NLRC3: variants seen among roughly 807,000 people sequenced by gnomAD.
The protein encoded by NLRC3 is NLR family CARD domain containing 3.
Under a neutral mutation model 91.6 loss-of-function variants are expected in NLRC3, and 87 were observed. That is an observed-to-expected ratio of 0.95 (90% confidence interval 0.80 to 1.14). The LOEUF (loss-of-function observed/expected upper bound fraction) is 1.14. Ranked by LOEUF, NLRC3 falls within the 50% of genes most tolerant of loss-of-function variation. The pLI, the probability that NLRC3 is intolerant of heterozygous loss-of-function variation, is 0.00. For synonymous variants in NLRC3, 694 were observed against 625.3 expected (o/e 1.11, Z -1.64); for missense variants, 1,577 against 1,418.6 (o/e 1.11, Z -1.79).
chr16:3,563,104 G>C lies in NLRC3; in HGVS notation c.1833C>G (p.Ser611=), dbSNP rs745377382. ...RAALAYLLQV[S]DACAQEANLS... Reference sequence around the variant, plus strand: ...GGTTGGCCTCCTGGGCACAGGCGTCGGACACCTGCAGGAGGTAGGCCAGGG... The same window carrying C: ...GGTTGGCCTCCTGGGCACAGGCGTCCGACACCTGCAGGAGGTAGGCCAGGG... The change falls in exon 5 of 20, where the codon TCC becomes TCG. Residue 611 remains serine, a synonymous_variant. Transcript: ENST00000359128. 6.3e-7 allele frequency: 1 copy of C among 1,577,596 alleles called. No homozygotes were observed. Among genetic ancestry groups the C allele is most frequent in the Non-Finnish European group, 8.6e-7 (1 of 1,162,558 alleles).
intron 16 of NLRC3, chr16:3,543,949 T>G (rs1179838562): frequency 8.2e-6 from 3 of 368,010 alleles, no homozygotes; most frequent in African/African-American, 4.1e-5. Context: ...AAGTCAGGAG[T>G]TTGAGACCAG....
At position 3,561,901 on chromosome 16, in the gene NLRC3, C is replaced by G. The variant is rs977143180; in HGVS notation, c.1929-113G>C. ...CCCATGCAGCGCTATCACCGCAGCT[C>G]TGAGATCTGCGCTCAGCCCCAGTGC... On this transcript the variant is annotated intron_variant, in intron 5 of 19. Coordinates refer to ENST00000359128, the MANE Select transcript of NLRC3 (RefSeq NM_178844.4). 9 of 741,064 alleles carry G rather than the reference C, an allele frequency of 1.2e-5. No individual in the cohort carries two copies. The African/African-American group carries it at 1.6e-4, about 13-fold the overall frequency. The allele number at this position is 741,064 out of a possible 1,614,324, so 45.9% of individuals were successfully genotyped here. A position where few individuals can be genotyped will look rare whatever the true frequency, so the allele number is the denominator to read the frequency against.
rs373442896 is a variant in NLRC3 at position 3,563,416 on chromosome 16, G to A, written c.1521C>T (p.Asp507=). The A allele has an allele frequency of 3.4e-5, 54 of 1,575,946 alleles. No homozygotes were observed. In the African/African-American group the frequency reaches 4.7e-4, roughly 14 times the overall value. Residue 507 remains aspartate (D), a synonymous_variant, in exon 5 of 20, where the codon GAC becomes GAT. Coordinates refer to ENST00000359128, the MANE Select transcript of NLRC3 (RefSeq NM_178844.4). The part of the protein sequence containing the change: ...SAAQRAMQAE[D]GRLDVFLRFL... Reference sequence around the variant, plus strand: ...AGCGCAGGAACACGTCCAGCCTCCCGTCCTCTGCCTGCATGGCCCGCTGGG... The same window carrying A: ...AGCGCAGGAACACGTCCAGCCTCCCATCCTCTGCCTGCATGGCCCGCTGGG...
rs543955385 is a variant in NLRC3 at position 3,556,004 on chromosome 16, C to G, written c.2183+907G>C. 1.5e-3 allele frequency: 217 copies of G among 149,576 alleles called. 1 individual carries two copies. The highest frequency in any genetic ancestry group is 5.1e-3 in the African/African-American group (211 of 41,012). 9.3% of individuals were successfully genotyped at this position (149,576 alleles called of 1,614,324 possible). On this transcript the variant is annotated intron_variant, in intron 8 of 19. Coordinates refer to ENST00000359128, the MANE Select transcript of NLRC3 (RefSeq NM_178844.4). ...GAACAGAAAAGTGGTACCCACTCAG[C>G]TAAGTATAGATATAACCACAGGCTT...
At chr16:3,573,144 A>AC (rs2040158564) in intron 1 of NLRC3, among the ~76,000 whole-genome samples, 1 of 151,586 alleles carries the variant, frequency 6.6e-6, no homozygotes, top group African/African-American at 2.4e-5. Flanking sequence ...GAGGCTGGGC[A>AC]CCATGGCTCA....
At chr16:3,561,894 C>T (rs778402917) in intron 5 of NLRC3, 106 bp from the exon 6 acceptor site, 71 of 779,666 alleles carry the variant, frequency 9.1e-5, no homozygotes, top group Middle Eastern at 3.2e-4. Context: ...GCGCTATCAC[C>T]GCAGCTCTGA....
chr16:3,569,876 G>C (rs2040037494), intron 1 of NLRC3, among the ~76,000 whole-genome samples: 1 of 152,150 alleles, frequency 6.6e-6, no homozygotes, highest in Non-Finnish European at 1.5e-5. Context: ...TTCTCCGATA[G>C]AGAAAGATTT....
At chr16:3,558,884 A>G (rs2039478286) in intron 6 of NLRC3, among the ~76,000 whole-genome samples, 1 of 151,966 alleles carries the variant, frequency 6.6e-6, no homozygotes, top group Non-Finnish European at 1.5e-5. Context: ...GAATCCTCCC[A>G]CTTCAGCCTC....
At chr16:3,554,629 T>G (rs2039202767) in intron 8 of NLRC3, among the ~76,000 whole-genome samples, 1 of 152,166 alleles carries the variant, frequency 6.6e-6, no homozygotes, top group Non-Finnish European at 1.5e-5. Flanking sequence ...CAAGTGTTGG[T>G]GAGAATACAG....
At chr16:3,547,660 A>G (rs1567464514) in intron 15 of NLRC3, among the ~76,000 whole-genome samples, 1 of 151,886 alleles carries the variant, frequency 6.6e-6, no homozygotes, top group Non-Finnish European at 1.5e-5. Flanking sequence ...GTGTATGTAT[A>G]TATATGTGTG....
chr16:3,550,996 T>C (rs2038964043), intron 10 of NLRC3, among the ~76,000 whole-genome samples: 1 of 151,222 alleles, frequency 6.6e-6, no homozygotes, highest in Admixed American at 6.6e-5. Flanking sequence ...AATCCATCCA[T>C]TCGTCCATCC....
chr16:3,554,267 A>G lies in NLRC3; in HGVS notation c.2242T>C (p.Ser748Pro), dbSNP rs1315422856. The change falls in exon 9 of 20, where the codon TCC becomes CCC. Residue 748 changes from serine to proline, a missense_variant. Coordinates refer to ENST00000359128, the MANE Select transcript of NLRC3 (RefSeq NM_178844.4). ...TGCAGCATGGAGAGGGTCCGGTTGGAGGCCAAGGCCTCAGCCATGGACCTG... is the reference window on the plus strand; with the variant it reads ...TGCAGCATGGAGAGGGTCCGGTTGGGGGCCAAGGCCTCAGCCATGGACCTG... Reference protein sequence around the residue: ...GARSMAEALASNRTLSMLHLQ... With the variant: ...GARSMAEALAPNRTLSMLHLQ... 2 of 1,613,506 alleles carry G rather than the reference A, an allele frequency of 1.2e-6. No homozygotes were observed. Among genetic ancestry groups the G allele is most frequent in the Non-Finnish European group, 1.7e-6 (2 of 1,179,568 alleles).
intron 16 of NLRC3, 77 bp from the exon 17 acceptor site, chr16:3,543,585 C>T: frequency 2.1e-6 from 2 of 960,302 alleles, no homozygotes; most frequent in Non-Finnish European, 3.3e-6. Flanking sequence ...CTTTCACCAC[C>T]CCTTGACTCA....
intron 9 of NLRC3, among the ~76,000 whole-genome samples, chr16:3,553,536 G>T (rs1230708912): frequency 1.3e-5 from 2 of 152,120 alleles, no homozygotes; most frequent in Non-Finnish European, 2.9e-5. Context: ...TGGCCCTCTT[G>T]CCTGAGGACG....
intron 14 of NLRC3, 45 bp from the exon 15 acceptor site, chr16:3,548,263 G>T: frequency 6.8e-7 from 1 of 1,478,664 alleles, no homozygotes; most frequent in Non-Finnish European, 9.2e-7. Flanking sequence ...ATGTGACTAT[G>T]TGGCCCTGGG....
At chr16:3,566,150 A>T (rs1314880595) in intron 2 of NLRC3, among the ~76,000 whole-genome samples, 1 of 149,164 alleles carries the variant, frequency 6.7e-6, no homozygotes, top group South Asian at 2.1e-4. Context: ...AGTATACACT[A>T]TGGACATTGG....
chr16:3,549,064 G>T lies in NLRC3; in HGVS notation c.2603+78C>A, dbSNP rs1038950380. 5.3e-5 allele frequency: 59 copies of T among 1,117,042 alleles called. 1 individual carries two copies. The highest frequency in any genetic ancestry group is 4.0e-5 in the Admixed American group (2 of 49,798). The allele number at this position is 1,117,042 out of a possible 1,614,324, so 69.2% of individuals were successfully genotyped here. A position where few individuals can be genotyped will look rare whatever the true frequency, so the allele number is the denominator to read the frequency against. On this transcript the variant is annotated intron_variant, in intron 13 of 19. Transcript: ENST00000359128. ...TCTCCAACCCTGTGACGTGGCGAGG[G>T]TGCCCGTCAGCCCAGGCTCGGTGTG... is the stretch of plus-strand genomic sequence containing the variant.
chr16:3,555,462 G>A (rs1247580723), intron 8 of NLRC3, among the ~76,000 whole-genome samples: 1 of 152,130 alleles, frequency 6.6e-6, no homozygotes, highest in Non-Finnish European at 1.5e-5. Context: ...GACTGTTTAT[G>A]GGTATGAGGT....
At position 3,576,807 on chromosome 16, in the gene NLRC3, C is replaced by T. The variant is rs116189735; in HGVS notation, c.-169+342G>A. Among the ~76,000 whole-genome samples the T allele has an allele frequency of 5.1e-3, 784 of 152,240 alleles. 3 individuals carry two copies. Among genetic ancestry groups the T allele is most frequent in the African/African-American group, 0.017 (701 of 41,562 alleles). On this transcript the variant is annotated intron_variant, in intron 1 of 19. Coordinates refer to ENST00000359128, the MANE Select transcript of NLRC3 (RefSeq NM_178844.4). ...CCTCCCGACTAGCTGGGTGGGATTA[C>T]AGGCGTCTGCCAACATGCCTGGCTA...
Sources: allele counts gnomAD v4.1 joint callset (sites outside exome capture counted in the v4.1 genomes callset), GRCh38; gene constraint gnomAD v4.1.1; transcripts MANE v1.5; gene names NCBI Gene and HGNC (gene_info 2026-07-23, HGNC 2026-07-21).